The following PAWR variants were observed in gnomAD, a reference collection of about 807,000 sequenced individuals.
PAWR encodes the protein PRKC apoptosis WT1 regulator protein.
A neutral mutation model predicts 32.0 loss-of-function variants in PAWR; 23 were observed. That is an observed-to-expected ratio of 0.72 (90% CI 0.52 to 1.02). The LOEUF is 1.02. Among genes scored for constraint, PAWR ranks in the 50% least tolerant of loss-of-function variants. The pLI is 0.00. For missense variants in PAWR, 457 were observed against 437.7 expected (o/e 1.04, Z -0.39); for synonymous variants, 226 against 187.1 (o/e 1.21, Z -1.70).
chr12:79,600,341 T>C (rs1873910302), intron 4 of PAWR, among the ~76,000 whole-genome samples: 1 of 152,320 alleles, frequency 6.6e-6, no homozygotes, highest in Non-Finnish European at 1.5e-5. Flanking sequence ...TAAATAATAC[T>C]TGTAAAACAT....
At position 79,592,590 on chromosome 12, in the gene PAWR, A is replaced by G. The variant is rs1400271404; in HGVS notation, c.*17T>C. Reference sequence around the variant, plus strand: ...CAGTAGTTTAAAATATTTTTTCCACATTGAGTCTTGAATCCTCTACCTGGT... The same window carrying G: ...CAGTAGTTTAAAATATTTTTTCCACGTTGAGTCTTGAATCCTCTACCTGGT... On this transcript the variant is annotated 3_prime_UTR_variant, in exon 7 of 7. Coordinates refer to ENST00000328827, the MANE Select transcript of PAWR (RefSeq NM_002583.4). 1 of 752,800 alleles carries G rather than the reference A, an allele frequency of 1.3e-6. No individual in the cohort carries two copies. The highest frequency in any genetic ancestry group is 2.4e-6 in the Non-Finnish European group (1 of 412,002). The allele number at this position is 752,800 out of a possible 1,614,324, so 46.6% of individuals were successfully genotyped here.
At chr12:79,665,967 G>A (rs1461465431) in intron 2 of PAWR, among the ~76,000 whole-genome samples, 1 of 152,140 alleles carries the variant, frequency 6.6e-6, no homozygotes, top group African/African-American at 2.4e-5. Context: ...TTTTCACAAG[G>A]AAATAGGTGA....
chr12:79,664,664 G>GGC (rs1555177495), intron 2 of PAWR, among the ~76,000 whole-genome samples: 1 of 148,676 alleles, frequency 6.7e-6, no homozygotes, highest in Admixed American at 6.7e-5. Flanking sequence ...TTGGCGGGGG[G>GGC]GGGAGGAGAG....
intron 2 of PAWR, among the ~76,000 whole-genome samples, chr12:79,652,884 CTTCAA>C (rs1467805543): frequency 1.3e-5 from 2 of 152,106 alleles, no homozygotes; most frequent in South Asian, 4.1e-4. Context: ...TAATATAGAA[CTTCAA>C]TTCAATTAAA....
intron 2 of PAWR, among the ~76,000 whole-genome samples, chr12:79,636,622 CTAGA>C (rs1875972659): frequency 6.6e-6 from 1 of 152,098 alleles, no homozygotes; most frequent in African/African-American, 2.4e-5. Context: ...AAGAATTCAA[CTAGA>C]TATTGTTTCA....
chr12:79,679,450 T>C (rs548394833), intron 2 of PAWR, among the ~76,000 whole-genome samples: 65 of 152,116 alleles, frequency 4.3e-4, no homozygotes, highest in Non-Finnish European at 7.8e-4. Context: ...TTCAGTACTG[T>C]AGTAAGAAAT....
chr12:79,652,018 C>T (rs1030978354), intron 2 of PAWR, among the ~76,000 whole-genome samples: 2 of 152,094 alleles, frequency 1.3e-5, no homozygotes, highest in Non-Finnish European at 2.9e-5. Flanking sequence ...TATGTATGAT[C>T]TCCCTTCTAC....
At chr12:79,635,204 A>C (rs1316671704) in intron 2 of PAWR, among the ~76,000 whole-genome samples, 1 of 152,084 alleles carries the variant, frequency 6.6e-6, no homozygotes, top group East Asian at 1.9e-4. Flanking sequence ...ACTGGAACTT[A>C]TTTAATTCCC....
intron 2 of PAWR, among the ~76,000 whole-genome samples, chr12:79,625,176 T>C (rs1875227905): frequency 6.6e-6 from 1 of 152,190 alleles, no homozygotes. Context: ...TTTTGAGGTC[T>C]ACCTCTAGTT....
chr12:79,651,407 C>T (rs1036073455), intron 2 of PAWR, among the ~76,000 whole-genome samples: 3 of 152,082 alleles, frequency 2.0e-5, no homozygotes, highest in Non-Finnish European at 4.4e-5. Flanking sequence ...GCATAATTTG[C>T]ATTTGAAGCT....
At chr12:79,627,673 T>C (rs1875408478) in intron 2 of PAWR, among the ~76,000 whole-genome samples, 1 of 152,200 alleles carries the variant, frequency 6.6e-6, no homozygotes, top group Non-Finnish European at 1.5e-5. Flanking sequence ...CCCATGCCTA[T>C]GTCCTGAACG....
Position 79,690,378 on chromosome 12 carries a change from A to C in PAWR, c.-134T>G, listed in dbSNP as rs1329077416. 3 of 1,347,646 alleles carry C rather than the reference A, an allele frequency of 2.2e-6. No individual in the cohort carries two copies. Among genetic ancestry groups the C allele is most frequent in the Admixed American group, 3.8e-5 (1 of 25,976 alleles). 83.5% of individuals were successfully genotyped at this position (1,347,646 alleles called of 1,614,324 possible). ...GGAGAGGGACGGCCGCCGCTCCCAC[A>C]GCAGCCGGCGGGGCTGAGGTGAAAG... is the stretch of plus-strand genomic sequence containing the variant. On this transcript the variant is annotated 5_prime_UTR_variant, in exon 2 of 7. Coordinates refer to ENST00000328827, the MANE Select transcript of PAWR (RefSeq NM_002583.4).
intron 2 of PAWR, among the ~76,000 whole-genome samples, chr12:79,639,412 G>A (rs1304309844): frequency 6.6e-6 from 1 of 152,008 alleles, no homozygotes; most frequent in Non-Finnish European, 1.5e-5. Context: ...TATAAATTAT[G>A]TGGAGAGTTA....
Position 79,596,532 on chromosome 12 carries a change from CT to C in PAWR, c.809del (p.Lys270ArgfsTer10). 6.4e-7 allele frequency: 1 copy of C among 1,569,154 alleles called. No individual in the cohort carries two copies. The highest frequency in any genetic ancestry group is 8.7e-7 in the Non-Finnish European group (1 of 1,150,730). On this transcript the variant is annotated frameshift_variant, in exon 5 of 7. Transcript: ENST00000328827. LOFTEE classifies it high-confidence loss of function. The part of the protein sequence containing the change: ...GTLVSSSTLE[K>X]KIEDLEKEVV... Reference sequence around the variant, plus strand: ...ATACCTTTTCAAGATCTTCAATTTTCTTTTCCAGTGTGCTACTTGAAACCAG... The same window carrying C: ...ATACCTTTTCAAGATCTTCAATTTTCTTTCCAGTGTGCTACTTGAAACCAG...
chr12:79,660,378 C>G (rs1877289741), intron 2 of PAWR, among the ~76,000 whole-genome samples: 2 of 151,930 alleles, frequency 1.3e-5, no homozygotes, highest in Admixed American at 1.3e-4. Flanking sequence ...TTCAAGATGA[C>G]AAATAGAAAC....
chr12:79,680,146 C>A (rs1410827297), intron 2 of PAWR, among the ~76,000 whole-genome samples: 1 of 152,194 alleles, frequency 6.6e-6, no homozygotes, highest in Admixed American at 6.5e-5. Flanking sequence ...TGTTAGGGAA[C>A]AAGTTGAGAA....
rs1189516573 is a variant in PAWR at position 79,690,121 on chromosome 12, G to C, written c.124C>G (p.Pro42Ala). Residue 42 changes from proline (P) to alanine (A), a missense_variant, in exon 2 of 7, where the codon CCG becomes GCG. Pro to Ala is a conservative substitution (Grantham distance 27). Transcript: ENST00000328827. ...GCGGCGTCGCTGCTGCCCCCTCCCG[G>C]GGGGGCCGGGCCCGGGGGGTTCTGC... ...AKQNPPGPAP[P>A]GGGSSDAAGK... 2 of 1,502,820 alleles carry C rather than the reference G, an allele frequency of 1.3e-6. No individual in the cohort carries two copies. Among genetic ancestry groups the C allele is most frequent in the Admixed American group, 2.1e-5 (1 of 47,224 alleles). 93.1% of individuals were successfully genotyped at this position (1,502,820 alleles called of 1,614,324 possible).
chr12:79,626,872 G>T (rs1434501052), intron 2 of PAWR, among the ~76,000 whole-genome samples: 1 of 152,038 alleles, frequency 6.6e-6, no homozygotes, highest in East Asian at 1.9e-4. Flanking sequence ...AATTTGCTGA[G>T]AATGATGGTT....
At chr12:79,658,986 A>AG (rs1877222403) in intron 2 of PAWR, among the ~76,000 whole-genome samples, 1 of 151,878 alleles carries the variant, frequency 6.6e-6, no homozygotes. Context: ...AAAAAAAAAA[A>AG]AAGAAAAAGA....
Sources: allele counts gnomAD v4.1 joint callset (sites outside exome capture counted in the v4.1 genomes callset), GRCh38; gene constraint gnomAD v4.1.1; transcripts MANE v1.5; gene names NCBI Gene and HGNC (gene_info 2026-07-23, HGNC 2026-07-21).